FANCD2: variants seen among roughly 807,000 people sequenced by gnomAD.
FANCD2 encodes the protein FA complementation group D2.
FANCD2 carries 131 observed loss-of-function variants against 192.3 expected under a neutral mutation model. That is an observed-to-expected ratio of 0.68 (90% CI 0.59 to 0.79). The LOEUF is 0.79. FANCD2 is among the 30% of genes least tolerant of loss of function. The pLI is 0.00. For synonymous variants in FANCD2, 524 were observed against 612.5 expected (o/e 0.86, Z 2.13); for missense variants, 1,508 against 1,701.6 (o/e 0.89, Z 2.00).
chr3:10,027,240 T>TG (rs1427121988), intron 1 of FANCD2, among the ~76,000 whole-genome samples: 1 of 152,080 alleles, frequency 6.6e-6, no homozygotes, highest in Non-Finnish European at 1.5e-5. Flanking sequence ...CAGTCTAGTG[T>TG]GAGGTAAGGG....
intron 26 of FANCD2, among the ~76,000 whole-genome samples, chr3:10,072,414 G>T (rs1403075643): frequency 6.6e-6 from 1 of 151,992 alleles, no homozygotes; most frequent in Non-Finnish European, 1.5e-5. Context: ...AAGTAGCTGG[G>T]ATTACAGGCG....
chr3:10,099,283 T>C (rs1287940738), intron 43 of FANCD2: 2 of 1,265,056 alleles, frequency 1.6e-6, no homozygotes, highest in African/African-American at 1.5e-5. Flanking sequence ...GTTCTTACGC[T>C]TTTTTGTGGT....
intron 26 of FANCD2, among the ~76,000 whole-genome samples, chr3:10,067,537 C>G (rs2087755006): frequency 6.6e-6 from 1 of 152,218 alleles, no homozygotes; most frequent in African/African-American, 2.4e-5. Context: ...GTGGCTCACG[C>G]CTGTAATCCT....
At chr3:10,029,833 G>C (rs1433794729) in intron 2 of FANCD2, among the ~76,000 whole-genome samples, 1 of 152,096 alleles carries the variant, frequency 6.6e-6, no homozygotes, top group Non-Finnish European at 1.5e-5. Flanking sequence ...ACCCAGGCTG[G>C]AGTGCAGTGG....
At chr3:10,088,424 AT>A (rs544697633) in intron 34 of FANCD2, 24 bp from the exon 35 acceptor site, 5 of 1,431,542 alleles carry the variant, frequency 3.5e-6, no homozygotes, top group Non-Finnish European at 4.9e-6. Context: ...CATATGTAAG[AT>A]TCCTTTGTCT....
In FANCD2 at chr3:10,026,458, C is replaced by T. The variant is rs2086451841; in HGVS notation, c.-49C>T. On this transcript the variant is annotated 5_prime_UTR_variant, in exon 1 of 44. Transcript: ENST00000675286. The stretch of plus-strand genomic sequence containing the variant: ...TGGCGGGAAAGTCGAAAACTACGGG[C>T]GGCGACGGCTTCTCGGTGAGTAAGT... The T allele has an allele frequency of 1.1e-5, 5 of 450,950 alleles. No homozygotes were observed. Among genetic ancestry groups the T allele is most frequent in the Admixed American group, 6.2e-5 (1 of 16,006 alleles). The allele number at this position is 450,950 out of a possible 1,614,324, so 27.9% of individuals were successfully genotyped here.
At chr3:10,043,248 C>T in intron 12 of FANCD2, 98 bp downstream of exon 12, 4 of 891,158 alleles carry the variant, frequency 4.5e-6, no homozygotes, top group East Asian at 5.1e-5. Flanking sequence ...ACTATTATGA[C>T]ATTTACATCT....
In FANCD2 at chr3:10,049,313, C is replaced by A. The variant is rs569528969; in HGVS notation, c.1414-61C>A. 2.7e-6 allele frequency: 4 copies of A among 1,472,600 alleles called. No homozygotes were observed. The East Asian group carries it at 9.0e-5, about 33-fold the overall frequency. 91.2% of individuals were successfully genotyped at this position (1,472,600 alleles called of 1,614,324 possible). On this transcript the variant is annotated intron_variant, in intron 16 of 43. Coordinates refer to ENST00000675286, the MANE Select transcript of FANCD2 (RefSeq NM_001018115.3). The stretch of plus-strand genomic sequence containing the variant: ...GATTGGAGAGGCCTTGGGGGTGAAT[C>A]CCTTTAGAATGGCCATCCATATTTT...
chr3:10,069,482 TCC>T lies in FANCD2; in HGVS notation c.2494+2169_2494+2170del, dbSNP rs1221877221. Among the ~76,000 whole-genome samples, 39 of 43,044 alleles carry T rather than the reference TCC, an allele frequency of 9.1e-4. 4 individuals carry two copies. The highest frequency in any genetic ancestry group is 0.011 in the Middle Eastern group (1 of 88). 28.2% of individuals were successfully genotyped at this position (43,044 alleles called of 152,430 possible). On this transcript the variant is annotated intron_variant, in intron 26 of 43. Transcript: ENST00000675286. ...ATGCCTCTCCCCCTCCCCCTCCCCC[TCC>T]CCCTCTCCCGTCTCCCTCTGATGCC... is the stretch of plus-strand genomic sequence containing the variant.
chr3:10,087,131 C>G lies in FANCD2; in HGVS notation c.3336-3C>G. Reference sequence around the variant, plus strand: ...TTTGTTTGTTTTTCTTGTCTCCTTACAGCCAGAGCGTCCATTACTTGCAGA... The same window carrying G: ...TTTGTTTGTTTTTCTTGTCTCCTTAGAGCCAGAGCGTCCATTACTTGCAGA... On this transcript the variant is annotated splice_polypyrimidine_tract_variant and splice_region_variant and intron_variant, in intron 33 of 43. Coordinates refer to ENST00000675286, the MANE Select transcript of FANCD2 (RefSeq NM_001018115.3). The G allele has an allele frequency of 6.2e-7, 1 of 1,614,072 alleles. No homozygotes were observed. Among genetic ancestry groups the G allele is most frequent in the Non-Finnish European group, 8.5e-7 (1 of 1,179,960 alleles).
intron 2 of FANCD2, among the ~76,000 whole-genome samples, chr3:10,031,358 C>T (rs1433173304): frequency 6.6e-6 from 1 of 152,022 alleles, no homozygotes; most frequent in Non-Finnish European, 1.5e-5. Flanking sequence ...AAAAAATTAG[C>T]CGGGCGTGGT....
chr3:10,033,355 C>T (rs1253559009), intron 3 of FANCD2, among the ~76,000 whole-genome samples: 2 of 151,970 alleles, frequency 1.3e-5, no homozygotes, highest in African/African-American at 4.8e-5. Context: ...GAGTCAAGAT[C>T]GCACCACTGC....
At chr3:10,035,292 A>G in intron 6 of FANCD2, 59 bp downstream of exon 6, 1 of 1,411,390 alleles carries the variant, frequency 7.1e-7, no homozygotes, top group Non-Finnish European at 1.0e-6. Context: ...TGTATGCTCA[A>G]GTCTAAATAG....
intron 34 of FANCD2, among the ~76,000 whole-genome samples, chr3:10,087,828 T>A (rs1694313871): frequency 6.6e-6 from 1 of 152,074 alleles, no homozygotes; most frequent in East Asian, 1.9e-4. Context: ...TTTGTATTTT[T>A]AGTGGAGACG....
At chr3:10,071,139 GA>G (rs1210612879) in intron 26 of FANCD2, among the ~76,000 whole-genome samples, 4 of 115,530 alleles carry the variant, frequency 3.5e-5, no homozygotes. Context: ...AAAAAAAAAA[GA>G]AAAAAAGAAA....
chr3:10,045,481 CTGA>C (rs1210823555), intron 14 of FANCD2: 10 of 151,158 alleles, frequency 6.6e-5, no homozygotes, highest in Non-Finnish European at 5.9e-5. Flanking sequence ...CTTATTCTTC[CTGA>C]TGACTGTGTA....
chr3:10,065,713 C>G, intron 24 of FANCD2, 151 bp from the exon 25 acceptor site: 1 of 707,158 alleles, frequency 1.4e-6, no homozygotes, highest in East Asian at 2.7e-5. Flanking sequence ...TTGTTGATTG[C>G]TATATGATAT....
At chr3:10,060,445 A>T in intron 19 of FANCD2, 42 bp downstream of exon 19, 1 of 1,427,974 alleles carries the variant, frequency 7.0e-7, no homozygotes, top group Non-Finnish European at 9.9e-7. Flanking sequence ...AAGATCAGTT[A>T]ATCTTGCTAA....
intron 43 of FANCD2, 145 bp downstream of exon 43, chr3:10,098,960 T>C: frequency 6.2e-7 from 1 of 1,614,176 alleles, no homozygotes; most frequent in Non-Finnish European, 8.5e-7. Flanking sequence ...ACAGCTTCTG[T>C]GCTTATATAA....
Sources: allele counts gnomAD v4.1 joint callset (sites outside exome capture counted in the v4.1 genomes callset), GRCh38; gene constraint gnomAD v4.1.1; transcripts MANE v1.5; gene names NCBI Gene and HGNC (gene_info 2026-07-23, HGNC 2026-07-21).